Variants in NLN observed in about 807,000 individuals in gnomAD.
NLN encodes neurolysin, mitochondrial.
In NLN, 64 loss-of-function variants were observed where a neutral mutation model predicts 79.9. The ratio of observed to expected loss-of-function variants is 0.80; its 90% confidence interval spans 0.65 to 0.99. NLN has a LOEUF of 0.99. NLN is among the 50% of genes least tolerant of loss of function. The pLI is 0.00. For missense variants in NLN, 835 were observed against 858.7 expected, an observed-to-expected ratio of 0.97 and a Z score of 0.34; for synonymous variants, 267 against 296.6, an observed-to-expected ratio of 0.90 and a Z score of 1.02.
intron 1 of NLN, among the ~76,000 whole-genome samples, chr5:65,727,408 G>A (rs1374548245): frequency 1.3e-5 from 2 of 152,074 alleles, no homozygotes; most frequent in Non-Finnish European, 2.9e-5. Context: ...GGCCACAAAT[G>A]ATCCTCCCAT....
At chr5:65,815,459 G>A (rs988839968) in intron 12 of NLN, among the ~76,000 whole-genome samples, 1 of 152,246 alleles carries the variant, frequency 6.6e-6, no homozygotes, top group African/African-American at 2.4e-5. Flanking sequence ...AACTTGTGAT[G>A]TTGAAAACAA....
chr5:65,730,641 C>T (rs1758585372), intron 1 of NLN, among the ~76,000 whole-genome samples: 1 of 151,836 alleles, frequency 6.6e-6, no homozygotes, highest in South Asian at 2.1e-4. Context: ...ACTGCAACCT[C>T]CTCCTCCTGG....
At position 65,792,522 on chromosome 5, in the gene NLN, G is replaced by T. The variant is rs147330128; in HGVS notation, c.1394G>T (p.Arg465Leu). 2 of 1,613,930 alleles carry T rather than the reference G, an allele frequency of 1.2e-6. No individual in the cohort carries two copies. The highest frequency in any genetic ancestry group is 3.3e-5 in the Admixed American group (2 of 60,000). ...QPGCLLPDGS[R>L]MMAVAALVVN... ...GGCTGCCTTCTGCCTGATGGAAGCC[G>T]GATGATGGCAGTGGCTGCCCTCGTG... is the stretch of plus-strand genomic sequence containing the variant. The change falls in exon 9 of 13, where the codon CGG (arginine) becomes CTG (leucine). Residue 465 changes from arginine to leucine, a missense_variant. Physicochemically the swap from Arg to Leu is moderately radical, Grantham distance 102 (BLOSUM62 -2). Transcript: ENST00000380985.
chr5:65,790,517 C>T (rs899246085), intron 8 of NLN, among the ~76,000 whole-genome samples: 1 of 152,174 alleles, frequency 6.6e-6, no homozygotes, highest in African/African-American at 2.4e-5. Context: ...AGTGCCAAGC[C>T]AACAGGGGAA....
At chr5:65,788,582 TC>T (rs994296876) in intron 8 of NLN, 98 bp downstream of exon 8, 128 of 1,265,868 alleles carry the variant, frequency 1.0e-4, no homozygotes, top group Non-Finnish European at 1.4e-4. Flanking sequence ...ATGCCTGTAA[TC>T]CCAACACTTT....
chr5:65,737,156 G>A (rs1310755419), intron 1 of NLN, among the ~76,000 whole-genome samples: 1 of 136,878 alleles, frequency 7.3e-6, no homozygotes, highest in African/African-American at 3.6e-5. Context: ...TATTTAATCT[G>A]TGTTTAATCT....
chr5:65,758,931 A>G, intron 2 of NLN, 105 bp downstream of exon 2: 1 of 1,034,064 alleles, frequency 9.7e-7, no homozygotes, highest in South Asian at 1.6e-5. Context: ...ATTGATTTTT[A>G]CATTATAATT....
At chr5:65,767,599 C>T (rs548968851) in intron 3 of NLN, among the ~76,000 whole-genome samples, 1 of 152,230 alleles carries the variant, frequency 6.6e-6, no homozygotes, top group Non-Finnish European at 1.5e-5. Context: ...TAACATTTGG[C>T]TCTTGTTACT....
At chr5:65,745,178 G>A (rs1758949250) in intron 1 of NLN, among the ~76,000 whole-genome samples, 2 of 152,306 alleles carry the variant, frequency 1.3e-5, no homozygotes, top group African/African-American at 4.8e-5. Context: ...CTAAAGTGGG[G>A]CACTTCTCCA....
intron 4 of NLN, among the ~76,000 whole-genome samples, chr5:65,778,240 C>T (rs545448163): frequency 6.6e-6 from 1 of 152,274 alleles, no homozygotes; most frequent in South Asian, 2.1e-4. Context: ...TGTCTAATGC[C>T]AGTCAAGTCT....
At chr5:65,821,356 T>A (rs185835496) in intron 12 of NLN, among the ~76,000 whole-genome samples, 2 of 152,310 alleles carry the variant, frequency 1.3e-5, no homozygotes, top group Non-Finnish European at 1.5e-5. Context: ...CGTGTAGCTG[T>A]TGAGCGCTTG....
intron 1 of NLN, among the ~76,000 whole-genome samples, chr5:65,727,319 C>T (rs1370046842): frequency 6.6e-6 from 1 of 152,064 alleles, no homozygotes; most frequent in Non-Finnish European, 1.5e-5. Flanking sequence ...AGGCGCTCAC[C>T]ACCATGCCCA....
In NLN at chr5:65,812,289, A is replaced by AG; in HGVS notation, c.1883dup (p.Tyr629IlefsTer12). On this transcript the variant is annotated frameshift_variant, in exon 12 of 13. Transcript: ENST00000380985. LOFTEE classifies it high-confidence loss of function. ...TGCCAGCTACCTTTGGACATTTGGC[A>AG]GGGGGATACGATGGCCAATATTATG... is the stretch of plus-strand genomic sequence containing the variant. 6.2e-7 allele frequency: 1 copy of AG among 1,612,830 alleles called. No individual in the cohort carries two copies. Among genetic ancestry groups the AG allele is most frequent in the South Asian group, 1.1e-5 (1 of 91,048 alleles).
At position 65,827,294 on chromosome 5, in the gene NLN, GA is replaced by G. The variant is rs1760938436; in HGVS notation, c.*4380del. 1 of 152,082 alleles carries G rather than the reference GA, an allele frequency of 6.6e-6. No individual in the cohort carries two copies. Among genetic ancestry groups the G allele is most frequent in the African/African-American group, 2.4e-5 (1 of 41,404 alleles). 9.4% of individuals were successfully genotyped at this position (152,082 alleles called of 1,614,324 possible). A position where few individuals can be genotyped will look rare whatever the true frequency, so the allele number is the denominator to read the frequency against. Reference sequence around the variant, plus strand: ...TACAGGTTCAACACATCTAGTCCACGATGTACGTACAAGGGGAAGGGGTGAA... The same window carrying G: ...TACAGGTTCAACACATCTAGTCCACGTGTACGTACAAGGGGAAGGGGTGAA... On this transcript the variant is annotated 3_prime_UTR_variant, in exon 13 of 13. Coordinates refer to ENST00000380985, the MANE Select transcript of NLN (RefSeq NM_020726.5).
At position 65,781,380 on chromosome 5, in the gene NLN, A is replaced by G. The variant is rs753950720; in HGVS notation, c.781A>G (p.Arg261Gly). 4 of 1,609,970 alleles carry G rather than the reference A, an allele frequency of 2.5e-6. No individual in the cohort carries two copies. In the Admixed American group the frequency reaches 5.0e-5, roughly 20 times the overall value. ...VMKKCCIPET[R>G]RRMEMAFNTR... ...GAAGAAATGTTGTATCCCTGAAACC[A>G]GAAGAAGGATGGAAATGGCTTTTAA... Residue 261 changes from arginine (R) to glycine (G), a missense_variant, in exon 6 of 13, where the codon AGA becomes GGA. Physicochemically the swap from Arg to Gly is moderately radical, Grantham distance 125 (BLOSUM62 -2). Coordinates refer to ENST00000380985, the MANE Select transcript of NLN (RefSeq NM_020726.5).
intron 3 of NLN, among the ~76,000 whole-genome samples, chr5:65,769,979 G>A (rs945623053): frequency 6.6e-5 from 10 of 152,156 alleles, no homozygotes; most frequent in Non-Finnish European, 7.4e-5. Context: ...ATAGGCCTTC[G>A]GTAATTGCTG....
rs1056904514 is a variant in NLN, at chr5:65,825,024, C to G, written c.*2109C>G. ...GCTGAGGCAGGAGAATAGCTTGAAC[C>G]CGGGAGGTGGAGGTTGCAGTGAGCT... On this transcript the variant is annotated 3_prime_UTR_variant, in exon 13 of 13. Coordinates refer to ENST00000380985, the MANE Select transcript of NLN (RefSeq NM_020726.5). 2 of 152,290 alleles carry G rather than the reference C, an allele frequency of 1.3e-5. No individual in the cohort carries two copies. The highest frequency in any genetic ancestry group is 6.5e-5 in the Admixed American group (1 of 15,276). 9.4% of individuals were successfully genotyped at this position (152,290 alleles called of 1,614,324 possible). A position where few individuals can be genotyped will look rare whatever the true frequency, so the allele number is the denominator to read the frequency against.
At chr5:65,797,657 T>C (rs1285720190) in intron 9 of NLN, among the ~76,000 whole-genome samples, 1 of 152,212 alleles carries the variant, frequency 6.6e-6, no homozygotes, top group African/African-American at 2.4e-5. Context: ...ACCAAGCATA[T>C]GTGAAAAGGC....
At position 65,762,895 on chromosome 5, in the gene NLN, T is replaced by C. The variant is rs1392100754; in HGVS notation, c.302-65T>C. On this transcript the variant is annotated intron_variant, in intron 2 of 12. Coordinates refer to ENST00000380985, the MANE Select transcript of NLN (RefSeq NM_020726.5). The stretch of plus-strand genomic sequence containing the variant: ...CATGATCATTCATCTGGGTATGAGG[T>C]ATTTGGCTTAATACTGATTTGACAA... 11 of 1,451,482 alleles carry C rather than the reference T, an allele frequency of 7.6e-6. No homozygotes were observed. The African/African-American group carries it at 1.3e-4, about 17-fold the overall frequency. The allele number at this position is 1,451,482 out of a possible 1,614,324, so 89.9% of individuals were successfully genotyped here.
Sources: allele counts gnomAD v4.1 joint callset (sites outside exome capture counted in the v4.1 genomes callset), GRCh38; gene constraint gnomAD v4.1.1; transcripts MANE v1.5; gene names NCBI Gene and HGNC (gene_info 2026-07-23, HGNC 2026-07-21).